The following SHANK2 variants were observed in gnomAD, a reference collection of about 807,000 sequenced individuals.
SHANK2 encodes SH3 and multiple ankyrin repeat domains 2, also known as SH3 and multiple ankyrin repeat domains protein 2.
A neutral mutation model predicts 133.7 loss-of-function variants in SHANK2; 43 were observed. That is an observed-to-expected ratio of 0.32 (90% CI 0.25 to 0.41). The LOEUF (loss-of-function observed/expected upper bound fraction) is 0.41. Ranked by LOEUF, SHANK2 falls within the 10% of genes least tolerant of loss-of-function variation. The pLI is 1.00. For missense variants in SHANK2, 1,994 were observed against 2,235.8 expected (o/e 0.89, Z 2.18); for synonymous variants, 1,017 against 952.8 (o/e 1.07, Z -1.24).
At chr11:70,651,298 A>T (rs1189839138) in intron 17 of SHANK2, among the ~76,000 whole-genome samples, 2 of 152,132 alleles carry the variant, frequency 1.3e-5, no homozygotes, top group African/African-American at 4.8e-5. Flanking sequence ...ACGAGCCAAG[A>T]CTTCAGATTT....
At chr11:70,792,640 T>C (rs893220043) in intron 14 of SHANK2, among the ~76,000 whole-genome samples, 3 of 152,234 alleles carry the variant, frequency 2.0e-5, no homozygotes, top group Non-Finnish European at 4.4e-5. Flanking sequence ...CATAAAGCAA[T>C]GGTGCTCCAT....
intron 2 of SHANK2, among the ~76,000 whole-genome samples, chr11:71,206,586 T>C (rs573717909): frequency 5.3e-5 from 8 of 152,218 alleles, no homozygotes; most frequent in African/African-American, 1.9e-4. Flanking sequence ...CATGTCCCCA[T>C]ACCTCCAAAA....
intron 14 of SHANK2, among the ~76,000 whole-genome samples, chr11:70,749,819 A>G (rs574525412): frequency 6.6e-6 from 1 of 152,362 alleles, no homozygotes; most frequent in South Asian, 2.1e-4. Flanking sequence ...AGAAAGAAAA[A>G]AAGACTGAAA....
chr11:70,682,996 T>C (rs7952610), intron 15 of SHANK2, among the ~76,000 whole-genome samples: 129,155 of 152,044 alleles, frequency 0.85, 55,343 homozygotes, highest in African/African-American at 0.95. Context: ...AGCTGGGACG[T>C]GGCCGAGAGG....
chr11:71,091,093 CA>C (rs1363096901), intron 8 of SHANK2, among the ~76,000 whole-genome samples: 1 of 152,164 alleles, frequency 6.6e-6, no homozygotes, highest in African/African-American at 2.4e-5. Context: ...TTAATGATCA[CA>C]GGGGAAAATT....
intron 17 of SHANK2, among the ~76,000 whole-genome samples, chr11:70,515,854 C>T (rs528095507): frequency 6.6e-6 from 1 of 152,136 alleles, no homozygotes; most frequent in South Asian, 2.1e-4. Context: ...TTTTAATTTT[C>T]AGGAACTCTT....
chr11:70,778,988 G>A (rs1216522050), intron 14 of SHANK2, among the ~76,000 whole-genome samples: 1 of 152,052 alleles, frequency 6.6e-6, no homozygotes, highest in South Asian at 2.1e-4. Context: ...AAAGGACAGG[G>A]TTGGTACCCA....
At chr11:71,245,487 T>C (rs573363214) in intron 1 of SHANK2, among the ~76,000 whole-genome samples, 1 of 152,390 alleles carries the variant, frequency 6.6e-6, no homozygotes, top group South Asian at 2.1e-4. Flanking sequence ...AAAAGATTCC[T>C]TAAGCTAGAA....
chr11:70,891,480 TGACA>T (rs1272546223), intron 11 of SHANK2, among the ~76,000 whole-genome samples: 2 of 152,102 alleles, frequency 1.3e-5, no homozygotes, highest in East Asian at 3.9e-4. Context: ...CCAGCCTGGG[TGACA>T]GAGCAAGACT....
chr11:71,227,472 A>G (rs183462476), intron 1 of SHANK2, among the ~76,000 whole-genome samples: 27 of 152,282 alleles, frequency 1.8e-4, no homozygotes, highest in African/African-American at 6.5e-4. Flanking sequence ...AATACCACAA[A>G]GAGAACATTA....
At chr11:70,680,154 C>G (rs1373568318) in intron 15 of SHANK2, among the ~76,000 whole-genome samples, 1 of 152,160 alleles carries the variant, frequency 6.6e-6, no homozygotes, top group Non-Finnish European at 1.5e-5. Context: ...GCACCCCATC[C>G]CAGGGAGTTA....
At chr11:71,064,778 G>C (rs1030150503) in intron 9 of SHANK2, among the ~76,000 whole-genome samples, 6 of 152,036 alleles carry the variant, frequency 3.9e-5, no homozygotes, top group African/African-American at 1.2e-4. Flanking sequence ...GCCAGGTTTC[G>C]GGCCTGAGCT....
intron 11 of SHANK2, among the ~76,000 whole-genome samples, chr11:70,858,908 T>C (rs948833944): frequency 7.2e-5 from 11 of 152,240 alleles, no homozygotes; most frequent in Non-Finnish European, 1.3e-4. Context: ...CACCTGTACA[T>C]GCTCGTCCCT....
At position 71,252,429 on chromosome 11, in the gene SHANK2, C is replaced by T. The variant is rs1948200404; in HGVS notation, c.-117G>A. 1 of 151,942 alleles carries T rather than the reference C, an allele frequency of 6.6e-6. No homozygotes were observed. The highest frequency in any genetic ancestry group is 1.5e-5 in the Non-Finnish European group (1 of 67,978). 9.4% of individuals were successfully genotyped at this position (151,942 alleles called of 1,614,324 possible). ...CGTCCCCGGCCGCCGCCTCACCTGG[C>T]TCGGCGAGTCGGGGGCGGGTCCGAG... On this transcript the variant is annotated 5_prime_UTR_variant, in exon 1 of 26. Transcript: ENST00000601538. The surrounding 1 kb of genome is among the most constrained non-coding windows in gnomAD (Gnocchi z 6.3).
rs925782274 is a variant in SHANK2 at position 70,644,577 on chromosome 11, C to T, written c.2061+15251G>A. Among the ~76,000 whole-genome samples the T allele has an allele frequency of 3.9e-5, 6 of 152,250 alleles. No homozygotes were observed. In the East Asian group the frequency reaches 9.6e-4, roughly 24 times the overall value. ...CCAAGGGCAGGACCAGCAGCCCTCC[C>T]GCATGGCAGCTCCCGCCTGCTGCAA... On this transcript the variant is annotated intron_variant, in intron 17 of 25. Coordinates refer to ENST00000601538, the MANE Select transcript of SHANK2 (RefSeq NM_012309.5).
At chr11:70,798,034 T>C (rs1432309106) in intron 14 of SHANK2, among the ~76,000 whole-genome samples, 4 of 152,172 alleles carry the variant, frequency 2.6e-5, no homozygotes, top group Non-Finnish European at 5.9e-5. Flanking sequence ...GAGCAGTTTT[T>C]ACGGAGGCGT....
chr11:70,523,556 C>T (rs2135939108), intron 17 of SHANK2, among the ~76,000 whole-genome samples: 1 of 152,278 alleles, frequency 6.6e-6, no homozygotes, highest in Admixed American at 6.5e-5. Context: ...CGGTGCTGCC[C>T]CGAAGCCCTG....
chr11:70,905,809 T>TTG lies in SHANK2; in HGVS notation c.1108-9243_1108-9242insCA, dbSNP rs1181480080. ...AAGCCACCACCCAGTTTATGTTTTTTTTTTTTTTTTTTTTTTTTTGAGACG... is the reference window on the plus strand; with the variant it reads ...AAGCCACCACCCAGTTTATGTTTTTTTGTTTTTTTTTTTTTTTTTTTGAGACG... On this transcript the variant is annotated intron_variant, in intron 10 of 25. Transcript: ENST00000601538. Among the ~76,000 whole-genome samples the TTG allele has an allele frequency of 4.6e-3, 675 of 147,670 alleles. 14 individuals carry two copies. Among genetic ancestry groups the TTG allele is most frequent in the African/African-American group, 0.015 (582 of 39,922 alleles).
intron 17 of SHANK2, among the ~76,000 whole-genome samples, chr11:70,618,309 A>AAAG (rs2060782831): frequency 6.6e-6 from 1 of 152,026 alleles, no homozygotes; most frequent in Non-Finnish European, 1.5e-5. Flanking sequence ...AAAAAAAAAA[A>AAAG]AAAAGAAATG....
Sources: gnomAD v4.1 joint callset for allele counts (sites outside exome capture counted in the v4.1 genomes callset) on GRCh38, gnomAD v4.1.1 for gene constraint, Gnocchi (gnomAD v3.1) non-coding constraint, MANE v1.5 for transcripts, NCBI Gene and HGNC (gene_info 2026-07-23, HGNC 2026-07-21) for gene names.